The following AP3B1 variants were observed in gnomAD, a reference collection of about 807,000 sequenced individuals.
AP3B1 encodes the protein adaptor related protein complex 3 subunit beta 1.
AP3B1 carries 61 observed loss-of-function variants against 132.5 expected under a neutral mutation model. That is an observed-to-expected ratio of 0.46 (90% CI 0.37 to 0.57). The LOEUF (loss-of-function observed/expected upper bound fraction) is 0.57. AP3B1 is among the 20% of genes least tolerant of loss of function. AP3B1 has a pLI of 0.00. For synonymous variants in AP3B1, 388 were observed against 438.3 expected, an observed-to-expected ratio of 0.89 and a Z score of 1.43; for missense variants, 1,120 against 1,289.4, an observed-to-expected ratio of 0.87 and a Z score of 2.01.
rs1271982658 is a variant in AP3B1, at chr5:78,097,544, T to A, written c.2470+3409A>T. On this transcript the variant is annotated intron_variant, in intron 21 of 26. Transcript: ENST00000255194. The stretch of plus-strand genomic sequence containing the variant: ...GCCCCCCGCCCGGCCAGCCGCCCCG[T>A]CCGGGAGGGAGGTAGGGGGTCAGCC... Among the ~76,000 whole-genome samples the A allele has an allele frequency of 2.0e-5, 2 of 99,956 alleles. 1 individual carries two copies. The highest frequency in any genetic ancestry group is 4.0e-5 in the Non-Finnish European group (2 of 50,386). 65.6% of individuals were successfully genotyped at this position (99,956 alleles called of 152,430 possible). A position where few individuals can be genotyped will look rare whatever the true frequency, so the allele number is the denominator to read the frequency against.
chr5:78,001,614 C>T (rs990826102), downstream of AP3B1: 24 of 152,122 alleles, frequency 1.6e-4, no homozygotes, highest in South Asian at 6.2e-4. Context: ...AATAATTTTT[C>T]GACTCTGTTT....
intron 22 of AP3B1, among the ~76,000 whole-genome samples, chr5:78,057,937 T>C (rs1210695968): frequency 6.6e-6 from 1 of 152,194 alleles, no homozygotes; most frequent in African/African-American, 2.4e-5. Flanking sequence ...ATAAGAATAA[T>C]TTCTTTATTA....
chr5:78,127,391 T>C (rs1473233953), intron 17 of AP3B1, among the ~76,000 whole-genome samples: 2 of 152,190 alleles, frequency 1.3e-5, no homozygotes, highest in African/African-American at 4.8e-5. Flanking sequence ...TTCTTGTATA[T>C]ATGAGAAAGA....
intron 24 of AP3B1, among the ~76,000 whole-genome samples, chr5:78,028,132 CA>C (rs1163917019): frequency 2.7e-5 from 4 of 149,614 alleles, no homozygotes; most frequent in Non-Finnish European, 5.9e-5. Flanking sequence ...CTCAAAACAA[CA>C]AAAAAAAAGA....
chr5:78,239,877 G>T (rs1388817849), intron 3 of AP3B1, among the ~76,000 whole-genome samples: 3 of 150,856 alleles, frequency 2.0e-5, no homozygotes, highest in African/African-American at 7.3e-5. Context: ...AATATTTAAA[G>T]AACATTAGCT....
chr5:78,236,169 G>A (rs1210271704), intron 3 of AP3B1, among the ~76,000 whole-genome samples: 1 of 152,162 alleles, frequency 6.6e-6, no homozygotes, highest in East Asian at 1.9e-4. Context: ...ATTGTAAAGG[G>A]AAAATATGAG....
intron 9 of AP3B1, among the ~76,000 whole-genome samples, 160 bp downstream of exon 9, chr5:78,177,179 T>C (rs988117440): frequency 6.6e-6 from 1 of 152,188 alleles, no homozygotes; most frequent in East Asian, 1.9e-4. Context: ...GATAAATGCA[T>C]AAAGACTTTT....
At chr5:78,294,223 C>T (rs534766396) in intron 1 of AP3B1, among the ~76,000 whole-genome samples, 183 of 152,284 alleles carry the variant, frequency 1.2e-3, no homozygotes, top group African/African-American at 3.4e-3. Context: ...TTCCTTTTCA[C>T]TAAAGTTTGA....
chr5:78,232,788 C>T (rs1290691465), intron 3 of AP3B1, among the ~76,000 whole-genome samples: 1 of 152,080 alleles, frequency 6.6e-6, no homozygotes, highest in African/African-American at 2.4e-5. Flanking sequence ...CTCACTGCAG[C>T]CTCTGCCTCC....
chr5:78,137,850 GC>G (rs1441361938), intron 15 of AP3B1, among the ~76,000 whole-genome samples: 1 of 152,044 alleles, frequency 6.6e-6, no homozygotes, highest in Non-Finnish European at 1.5e-5. Context: ...AATACAATAT[GC>G]TAAATCTTAT....
At chr5:78,205,793 A>C (rs1745479787) in intron 7 of AP3B1, among the ~76,000 whole-genome samples, 1 of 152,192 alleles carries the variant, frequency 6.6e-6, no homozygotes, top group African/African-American at 2.4e-5. Flanking sequence ...ATGAATTTTC[A>C]GCAGGACATA....
At position 78,151,076 on chromosome 5, in the gene AP3B1, G is replaced by A. The variant is rs538244210; in HGVS notation, c.1473+5182C>T. 4.6e-5 allele frequency among the ~76,000 whole-genome samples: 7 copies of A among 151,882 alleles called. No homozygotes were observed. In the East Asian group the frequency reaches 5.8e-4, roughly 13 times the overall value. On this transcript the variant is annotated intron_variant, in intron 14 of 26. Coordinates refer to ENST00000255194, the MANE Select transcript of AP3B1 (RefSeq NM_003664.5). ...TGGGATTACAGGCACACACCACCACGCCCAGCTAATTTTTGTATTTTTAGA... is the reference window on the plus strand; with the variant it reads ...TGGGATTACAGGCACACACCACCACACCCAGCTAATTTTTGTATTTTTAGA...
At chr5:78,246,825 T>C (rs1266051456) in intron 2 of AP3B1, among the ~76,000 whole-genome samples, 1 of 152,224 alleles carries the variant, frequency 6.6e-6, no homozygotes, top group African/African-American at 2.4e-5. Context: ...TTCATTGATT[T>C]CTACTCTACC....
intron 3 of AP3B1, among the ~76,000 whole-genome samples, 186 bp from the exon 4 acceptor site, chr5:78,228,425 T>C (rs964602113): frequency 5.3e-5 from 8 of 152,242 alleles, no homozygotes; most frequent in Admixed American, 5.2e-4. Context: ...AAAGTAAGCA[T>C]TTTAATAGTC....
chr5:78,096,138 G>A (rs1031837503), intron 21 of AP3B1, among the ~76,000 whole-genome samples: 1 of 152,194 alleles, frequency 6.6e-6, no homozygotes, highest in African/African-American at 2.4e-5. Flanking sequence ...AGCCTGCCGA[G>A]TGCCTGCGAT....
At chr5:78,099,602 G>T (rs560292531) in intron 21 of AP3B1, among the ~76,000 whole-genome samples, 1 of 152,130 alleles carries the variant, frequency 6.6e-6, no homozygotes, top group African/African-American at 2.4e-5. Flanking sequence ...TTCTGGAAAA[G>T]AACTGCTAGG....
intron 7 of AP3B1, among the ~76,000 whole-genome samples, chr5:78,195,486 G>C (rs1745043973): frequency 6.6e-6 from 1 of 152,138 alleles, no homozygotes; most frequent in African/African-American, 2.4e-5. Context: ...ACAATACGAT[G>C]GAGAAAAGAT....
chr5:78,129,297 A>G lies in AP3B1; in HGVS notation c.1661T>C (p.Leu554Pro). Reference sequence around the variant, plus strand: ...GCCGAGATTTAATATGTACTGGGTAAGCAATTTTGTCTGTTGGAAAAAAAC... The same window carrying G: ...GCCGAGATTTAATATGTACTGGGTAGGCAATTTTGTCTGTTGGAAAAAAAC... ...YLTNSKQTKL[L>P]TQYILNLGKY... The change falls in exon 16 of 27, where the codon CTT becomes CCT. Residue 554 changes from leucine to proline, a missense_variant. This residue lies in a region of AP3B1 where 906 missense variants were observed against 997.1 expected (regional missense o/e 0.91). Coordinates refer to ENST00000255194, the MANE Select transcript of AP3B1 (RefSeq NM_003664.5). 6.2e-7 allele frequency: 1 copy of G among 1,611,898 alleles called. No individual in the cohort carries two copies. Among genetic ancestry groups the G allele is most frequent in the East Asian group, 2.2e-5 (1 of 44,792 alleles).
At chr5:78,154,251 T>A (rs1414363146) in intron 14 of AP3B1, among the ~76,000 whole-genome samples, 1 of 152,194 alleles carries the variant, frequency 6.6e-6, no homozygotes, top group Non-Finnish European at 1.5e-5. Context: ...AAAGTTGTTT[T>A]CTTTTGGCAC....
Sources: allele counts gnomAD v4.1 joint callset (sites outside exome capture counted in the v4.1 genomes callset), GRCh38; gene constraint gnomAD v4.1.1; regional missense constraint gnomAD v4.1.1; transcripts MANE v1.5; gene names NCBI Gene and HGNC (gene_info 2026-07-23, HGNC 2026-07-21).